Variants in MYO18A observed in about 807,000 individuals in gnomAD.
MYO18A encodes the protein myosin XVIIIA.
Under a neutral mutation model 235.8 loss-of-function variants are expected in MYO18A, and 78 were observed. The observed-to-expected ratio is 0.33, with a 90% confidence interval of 0.28 to 0.40. The LOEUF (loss-of-function observed/expected upper bound fraction) is 0.40. MYO18A is among the 10% of genes least tolerant of loss of function. MYO18A has a pLI of 1.00. For synonymous variants in MYO18A, 977 were observed against 1,077.8 expected (o/e 0.91, Z 1.83); for missense variants, 2,215 against 2,699.3 (o/e 0.82, Z 3.98).
chr17:29,176,132 AG>A (rs144309016), intron 1 of MYO18A, among the ~76,000 whole-genome samples: 4,097 of 152,338 alleles, frequency 0.027, 77 homozygotes, highest in Non-Finnish European at 0.036. Flanking sequence ...GGGGAGAAGA[AG>A]GGTAACACTT....
intron 1 of MYO18A, among the ~76,000 whole-genome samples, chr17:29,169,528 GTC>G (rs1349629390): frequency 6.6e-6 from 1 of 152,116 alleles, no homozygotes; most frequent in East Asian, 1.9e-4. Flanking sequence ...GACAAGGGGA[GTC>G]TCTCTCCTCC....
intron 1 of MYO18A, among the ~76,000 whole-genome samples, chr17:29,174,102 G>C (rs2068468373): frequency 6.6e-6 from 1 of 152,050 alleles, no homozygotes; most frequent in South Asian, 2.1e-4. Context: ...ATATTCTTTG[G>C]GCAATTCCAT....
At chr17:29,098,329 G>A in intron 24 of MYO18A, 27 bp downstream of exon 24, 1 of 1,613,292 alleles carries the variant, frequency 6.2e-7, no homozygotes, top group Non-Finnish European at 8.5e-7. Flanking sequence ...GCCATGCCCA[G>A]TCGGTGTGGT....
chr17:29,128,831 T>C (rs1274745357), intron 2 of MYO18A, among the ~76,000 whole-genome samples: 1 of 152,204 alleles, frequency 6.6e-6, no homozygotes, highest in East Asian at 1.9e-4. Context: ...ACCTGTGAGA[T>C]GCCGGCACAG....
chr17:29,116,931 C>T (rs2067087131), intron 10 of MYO18A, among the ~76,000 whole-genome samples: 1 of 151,984 alleles, frequency 6.6e-6, no homozygotes, highest in Admixed American at 6.6e-5. Flanking sequence ...CCTGTCTGTC[C>T]TCCACATTCT....
chr17:29,079,976 A>G (rs2066076710), intron 41 of MYO18A: 3 of 985,818 alleles, frequency 3.0e-6, no homozygotes, highest in South Asian at 4.7e-5. Context: ...CTCTTCCGAG[A>G]GCGCCCCTTC....
chr17:29,178,961 C>T (rs1460823565), intron 1 of MYO18A, among the ~76,000 whole-genome samples: 3 of 152,210 alleles, frequency 2.0e-5, no homozygotes, highest in Non-Finnish European at 4.4e-5. Context: ...CACAGGGGCA[C>T]TGATGAGGCC....
chr17:29,155,004 T>A (rs1460803632), intron 2 of MYO18A, among the ~76,000 whole-genome samples: 1 of 152,140 alleles, frequency 6.6e-6, no homozygotes, highest in Non-Finnish European at 1.5e-5. Flanking sequence ...CTAGATACTT[T>A]CCCCTTGATG....
chr17:29,113,121 G>A (rs764617697), intron 15 of MYO18A, among the ~76,000 whole-genome samples: 2 of 152,244 alleles, frequency 1.3e-5, no homozygotes, highest in Admixed American at 6.5e-5. Flanking sequence ...CACCATAGGA[G>A]CCCAGGTGTC....
At chr17:29,119,186 C>T (rs1271160314) in intron 8 of MYO18A, 149 bp downstream of exon 8, 14 of 597,518 alleles carry the variant, frequency 2.3e-5, no homozygotes, top group Non-Finnish European at 3.8e-5. Context: ...TGGGGCCTAG[C>T]TCAGAGCCTA....
Position 29,121,276 on chromosome 17 carries a change from AC to A in MYO18A, c.1372-66del. On this transcript the variant is annotated intron_variant, in intron 5 of 41. Coordinates refer to ENST00000527372, the MANE Select transcript of MYO18A (RefSeq NM_078471.4). This position sits in a 1 kb window ranked among gnomAD's most constrained non-coding sequence, Gnocchi z 4.2. ...AGCTGATCCCATTAAGACACCCCTC[AC>A]CCCCAAGGTCCACATCTTTCTGGAT... is the stretch of plus-strand genomic sequence containing the variant. 2 of 1,498,418 alleles carry A rather than the reference AC, an allele frequency of 1.3e-6. No homozygotes were observed. The highest frequency in any genetic ancestry group is 1.8e-6 in the Non-Finnish European group (2 of 1,103,152). 92.8% of individuals were successfully genotyped at this position (1,498,418 alleles called of 1,614,324 possible).
chr17:29,173,035 T>C (rs12942841), intron 1 of MYO18A, among the ~76,000 whole-genome samples: 11,372 of 152,062 alleles, frequency 0.075, 571 homozygotes, highest in South Asian at 0.16. Context: ...GGGAGTCTCA[T>C]AAGTCTTGGT....
At chr17:29,112,816 C>T (rs2066964805) in intron 15 of MYO18A, among the ~76,000 whole-genome samples, 1 of 152,216 alleles carries the variant, frequency 6.6e-6, no homozygotes. Flanking sequence ...CCCGCAGATG[C>T]CCAAGGGAGT....
chr17:29,133,941 T>C (rs1235727847), intron 2 of MYO18A: 7 of 1,049,290 alleles, frequency 6.7e-6, no homozygotes, highest in East Asian at 6.0e-5. Context: ...GGATAAACAC[T>C]GTGGGCAACA....
chr17:29,074,011 G>A lies in MYO18A; in HGVS notation c.*759C>T. 1 of 1,614,098 alleles carries A rather than the reference G, an allele frequency of 6.2e-7. No individual in the cohort carries two copies. Among genetic ancestry groups the A allele is most frequent in the Non-Finnish European group, 8.5e-7 (1 of 1,180,024 alleles). On this transcript the variant is annotated 3_prime_UTR_variant, in exon 42 of 42. Coordinates refer to ENST00000527372, the MANE Select transcript of MYO18A (RefSeq NM_078471.4). The surrounding 1 kb of genome is among the most constrained non-coding windows in gnomAD (Gnocchi z 4.4). ...TAACACGCTGAGACAAAGAGGGTGG[G>A]GTGGGGGCTGGAGGTGCGGATGGTC...
Position 29,109,798 on chromosome 17 carries a change from G to A in MYO18A, c.3331+60C>T. The A allele has an allele frequency of 6.5e-7, 1 of 1,530,430 alleles. No individual in the cohort carries two copies. The highest frequency in any genetic ancestry group is 8.8e-7 in the Non-Finnish European group (1 of 1,133,518). 94.8% of individuals were successfully genotyped at this position (1,530,430 alleles called of 1,614,324 possible). A position where few individuals can be genotyped will look rare whatever the true frequency, so the allele number is the denominator to read the frequency against. ...CCCACGGGTCGCAGGTGGGAGGTGG[G>A]GCCGGGCAGGGCCAGCTCTGGAAAA... On this transcript the variant is annotated intron_variant, in intron 19 of 41. Coordinates refer to ENST00000527372, the MANE Select transcript of MYO18A (RefSeq NM_078471.4). The surrounding 1 kb of genome is among the most constrained non-coding windows in gnomAD (Gnocchi z 4.1).
Position 29,092,723 on chromosome 17 carries a change from G to A in MYO18A, c.5073+132C>T, listed in dbSNP as rs1013947296. The stretch of plus-strand genomic sequence containing the variant: ...AGCCTGGGGAGTCTAGCTGCTACAC[G>A]TGGCTCTCCCCTCTTTCCTGTCACT... On this transcript the variant is annotated intron_variant, in intron 33 of 41. Transcript: ENST00000527372. 6.1e-5 allele frequency: 78 copies of A among 1,274,302 alleles called. No individual in the cohort carries two copies. In the South Asian group the frequency reaches 6.4e-4, roughly 11 times the overall value. 78.9% of individuals were successfully genotyped at this position (1,274,302 alleles called of 1,614,324 possible). A position where few individuals can be genotyped will look rare whatever the true frequency, so the allele number is the denominator to read the frequency against.
chr17:29,080,143 T>TC, intron 41 of MYO18A: 1 of 985,954 alleles, frequency 1.0e-6, no homozygotes, highest in Non-Finnish European at 1.2e-6. Context: ...GGCAGCTCGC[T>TC]CCGGGGGGTC....
chr17:29,083,854 A>T (rs1315327829), intron 40 of MYO18A, among the ~76,000 whole-genome samples: 1 of 152,192 alleles, frequency 6.6e-6, no homozygotes, highest in Admixed American at 6.5e-5. Flanking sequence ...CCTGTAATTT[A>T]TCACCACCGT....
Sources: allele counts gnomAD v4.1 joint callset (sites outside exome capture counted in the v4.1 genomes callset), GRCh38; gene constraint gnomAD v4.1.1; non-coding constraint Gnocchi (gnomAD v3.1); transcripts MANE v1.5; gene names NCBI Gene and HGNC (gene_info 2026-07-23, HGNC 2026-07-21).